EML4: variants seen among roughly 807,000 people sequenced by gnomAD.
EML4 encodes the protein echinoderm microtubule-associated protein-like 4.
Under a neutral mutation model 129.0 loss-of-function variants are expected in EML4, and 72 were observed. The observed-to-expected ratio is 0.56, with a 90% CI of 0.46 to 0.68. The LOEUF is 0.68. Ranked by LOEUF, EML4 falls within the 30% of genes least tolerant of loss-of-function variation. The probability of loss-of-function intolerance (pLI) is 0.00; values close to 1 mark genes in which losing one functional copy is unlikely to be tolerated. For synonymous variants in EML4, 532 were observed against 405.0 expected (o/e 1.31, Z -3.77); for missense variants, 1,363 against 1,190.6 (o/e 1.14, Z -2.13).
At chr2:42,254,042 T>A (rs1194766400) in intron 2 of EML4, among the ~76,000 whole-genome samples, 1 of 152,234 alleles carries the variant, frequency 6.6e-6, no homozygotes, top group African/African-American at 2.4e-5. Context: ...TGTAGAATAT[T>A]TGAAGAACTC....
chr2:42,274,390 A>G (rs1158701318), intron 6 of EML4, among the ~76,000 whole-genome samples: 2 of 152,194 alleles, frequency 1.3e-5, no homozygotes, highest in African/African-American at 4.8e-5. Flanking sequence ...AATAATTACA[A>G]TCACAGTCCA....
intron 8 of EML4, among the ~76,000 whole-genome samples, chr2:42,283,253 G>A (rs960579448): frequency 2.0e-5 from 3 of 152,182 alleles, no homozygotes; most frequent in Admixed American, 6.5e-5. Flanking sequence ...GGTCTGTAGT[G>A]TGAAACATAT....
intron 7 of EML4, among the ~76,000 whole-genome samples, chr2:42,281,550 T>C (rs778392273): frequency 6.6e-6 from 1 of 152,212 alleles, no homozygotes; most frequent in Non-Finnish European, 1.5e-5. Flanking sequence ...ACTGGAAGAC[T>C]AGTGTTTGAG....
At chr2:42,302,829 C>G (rs935065518) in intron 14 of EML4, among the ~76,000 whole-genome samples, 1 of 152,128 alleles carries the variant, frequency 6.6e-6, no homozygotes, top group African/African-American at 2.4e-5. Flanking sequence ...CCACCATGCC[C>G]AGCCTTTTTT....
intron 19 of EML4, among the ~76,000 whole-genome samples, chr2:42,322,255 C>A (rs1243266568): frequency 1.3e-5 from 2 of 152,190 alleles, no homozygotes; most frequent in Non-Finnish European, 2.9e-5. Context: ...ACTTTCTGTT[C>A]ATATCATTAA....
At position 42,265,035 on chromosome 2, in the gene EML4, C is replaced by T. The variant is rs758425861; in HGVS notation, c.667+304C>T. The T allele has an allele frequency of 7.2e-6, 9 of 1,258,100 alleles. No homozygotes were observed. In the South Asian group the frequency reaches 1.2e-4, roughly 17 times the overall value. The allele number at this position is 1,258,100 out of a possible 1,614,324, so 77.9% of individuals were successfully genotyped here. A position where few individuals can be genotyped will look rare whatever the true frequency, so the allele number is the denominator to read the frequency against. ...TTTGGCTTTTTATTATTTATGCTGC[C>T]TGACTTTCTTCCTTAAAAAGGAAAT... On this transcript the variant is annotated intron_variant, in intron 6 of 22. Coordinates refer to ENST00000318522, the MANE Select transcript of EML4 (RefSeq NM_019063.5).
chr2:42,241,769 T>C (rs1289744872), intron 1 of EML4, among the ~76,000 whole-genome samples: 1 of 152,084 alleles, frequency 6.6e-6, no homozygotes, highest in African/African-American at 2.4e-5. Flanking sequence ...AGACTTGTCT[T>C]TGAGTCTGAG....
chr2:42,187,422 A>G (rs1671324983), intron 1 of EML4, among the ~76,000 whole-genome samples: 1 of 152,150 alleles, frequency 6.6e-6, no homozygotes. Flanking sequence ...TTTACGTAGC[A>G]TATTGCTTTA....
At chr2:42,193,394 C>G (rs1166127896) in intron 1 of EML4, among the ~76,000 whole-genome samples, 2 of 151,118 alleles carry the variant, frequency 1.3e-5, no homozygotes, top group African/African-American at 4.9e-5. Flanking sequence ...TTAGTAGAAG[C>G]TGGTTTTTAG....
At chr2:42,229,672 G>A (rs1371197) in intron 1 of EML4, among the ~76,000 whole-genome samples, 80,052 of 151,736 alleles carry the variant, frequency 0.53, 21,470 homozygotes, top group East Asian at 0.74. Flanking sequence ...TTTTTCTTGG[G>A]TAAGAAATAA....
At chr2:42,278,573 CAAAAAAAAAAAAA>C (rs35916382) in intron 6 of EML4, among the ~76,000 whole-genome samples, 41 of 54,292 alleles carry the variant, frequency 7.6e-4, no homozygotes, top group South Asian at 6.6e-3. Context: ...GACTCCATCT[CAAAAAAAAAAAAA>C]AAAAAAAAAA....
chr2:42,271,272 A>T (rs1166799194), intron 6 of EML4, among the ~76,000 whole-genome samples: 1 of 152,230 alleles, frequency 6.6e-6, no homozygotes, highest in African/African-American at 2.4e-5. Context: ...GCTTTGTCCA[A>T]GTATTCTCTG....
chr2:42,239,719 G>A (rs1674894691), intron 1 of EML4, among the ~76,000 whole-genome samples: 2 of 151,492 alleles, frequency 1.3e-5, no homozygotes, highest in African/African-American at 4.9e-5. Flanking sequence ...AATGTTTAAA[G>A]GGAGGGGATT....
At chr2:42,236,959 TTC>T (rs1674717285) in intron 1 of EML4, among the ~76,000 whole-genome samples, 1 of 152,208 alleles carries the variant, frequency 6.6e-6, no homozygotes, top group African/African-American at 2.4e-5. Context: ...ATGTTTCCTT[TTC>T]TATGAGGTGT....
intron 13 of EML4, among the ~76,000 whole-genome samples, chr2:42,295,965 G>T (rs901376700): frequency 1.3e-5 from 2 of 151,938 alleles, no homozygotes; most frequent in African/African-American, 4.8e-5. Context: ...CTTAGTGTAG[G>T]GGTCCTTGGC....
At position 42,268,583 on chromosome 2, in the gene EML4, C is replaced by A. The variant is rs546901738; in HGVS notation, c.667+3852C>A. ...TTCCAAGTAGCTGAGACTACAGGCACATACCACAACACCCAGCTAATTTTT... is the reference window on the plus strand; with the variant it reads ...TTCCAAGTAGCTGAGACTACAGGCAAATACCACAACACCCAGCTAATTTTT... On this transcript the variant is annotated intron_variant, in intron 6 of 22. Transcript: ENST00000318522. Among the ~76,000 whole-genome samples, 4 of 152,242 alleles carry A rather than the reference C, an allele frequency of 2.6e-5. No individual in the cohort carries two copies. In the South Asian group the frequency reaches 8.3e-4, roughly 32 times the overall value.
intron 13 of EML4, 80 bp downstream of exon 13, chr2:42,295,596 G>C: frequency 7.8e-7 from 1 of 1,281,336 alleles, no homozygotes; most frequent in South Asian, 1.5e-5. Flanking sequence ...GACCAGGAGA[G>C]AAAGAGCTGC....
chr2:42,207,305 A>G (rs1672615641), intron 1 of EML4, among the ~76,000 whole-genome samples: 1 of 152,188 alleles, frequency 6.6e-6, no homozygotes, highest in African/African-American at 2.4e-5. Flanking sequence ...ATATATATTA[A>G]TATAATACTA....
At chr2:42,229,896 C>G (rs1009814118) in intron 1 of EML4, among the ~76,000 whole-genome samples, 1 of 105,542 alleles carries the variant, frequency 9.5e-6, no homozygotes, top group Non-Finnish European at 2.0e-5. Context: ...GCCTCAAAAT[C>G]CAGGTACAAG....
Sources: gnomAD v4.1 joint callset for allele counts (sites outside exome capture counted in the v4.1 genomes callset) on GRCh38, gnomAD v4.1.1 for gene constraint, MANE v1.5 for transcripts, NCBI Gene and HGNC (gene_info 2026-07-23, HGNC 2026-07-21) for gene names.